Variants in CAMKMT observed in about 807,000 individuals in gnomAD.
CAMKMT encodes the protein calmodulin-lysine N-methyltransferase, also known as CaM KMT.
CAMKMT carries 53 observed loss-of-function variants against 48.0 expected under a neutral mutation model. The observed-to-expected ratio is 1.10, with a 90% CI of 0.89 to 1.39. CAMKMT has a LOEUF of 1.39. CAMKMT is among the 40% of genes most tolerant of loss of function. The pLI is 0.00. For missense variants in CAMKMT, 428 were observed against 402.7 expected (o/e 1.06, Z -0.54); for synonymous variants, 165 against 152.3 (o/e 1.08, Z -0.61).
chr2:44,658,955 C>G (rs1185040218), intron 3 of CAMKMT, among the ~76,000 whole-genome samples: 1 of 152,132 alleles, frequency 6.6e-6, no homozygotes, highest in East Asian at 1.9e-4. Context: ...TGCCCTCACT[C>G]CATTCCCTCC....
chr2:44,690,362 G>A (rs558201656), intron 3 of CAMKMT, among the ~76,000 whole-genome samples: 8 of 152,090 alleles, frequency 5.3e-5, no homozygotes, highest in South Asian at 2.1e-4. Flanking sequence ...TTTGTCCAAA[G>A]TCCCCAAATT....
chr2:44,417,203 C>G lies in CAMKMT; in HGVS notation c.376+26898C>G, dbSNP rs778611894. ...GGTCAGGAGTTCAAGACCAGCCTGA[C>G]CAACATGGTGAAACCCTGTCACTAC... On this transcript the variant is annotated intron_variant, in intron 3 of 10. Transcript: ENST00000378494. 3.4e-4 allele frequency among the ~76,000 whole-genome samples: 52 copies of G among 151,914 alleles called. 1 individual carries two copies. The highest frequency in any genetic ancestry group is 3.7e-4 in the Non-Finnish European group (25 of 67,996).
chr2:44,674,825 G>T (rs1431308202), intron 3 of CAMKMT, among the ~76,000 whole-genome samples: 6 of 151,828 alleles, frequency 4.0e-5, no homozygotes. Flanking sequence ...CAGCTTTGTT[G>T]TTTCTCTACC....
intron 3 of CAMKMT, among the ~76,000 whole-genome samples, chr2:44,454,833 A>G (rs1054466586): frequency 1.3e-5 from 2 of 152,190 alleles, no homozygotes; most frequent in Non-Finnish European, 2.9e-5. Flanking sequence ...ACATGAAAGA[A>G]TTGGTACACA....
At chr2:44,423,248 C>T (rs919307948) in intron 3 of CAMKMT, among the ~76,000 whole-genome samples, 7 of 152,028 alleles carry the variant, frequency 4.6e-5, no homozygotes, top group African/African-American at 9.7e-5. Flanking sequence ...GGTGCGATCT[C>T]GGCTCACTGC....
chr2:44,705,282 C>T, intron 4 of CAMKMT: 1 of 861,268 alleles, frequency 1.2e-6, no homozygotes, highest in South Asian at 5.3e-5. Flanking sequence ...CCCACCTCTC[C>T]CTCTCTTTTA....
chr2:44,412,630 C>T (rs61663126), intron 3 of CAMKMT, among the ~76,000 whole-genome samples: 7,420 of 151,986 alleles, frequency 0.049, 546 homozygotes, highest in African/African-American at 0.17. Flanking sequence ...GCCACTGGGC[C>T]CAGCCAGGTG....
chr2:44,364,113 A>T (rs772337534), intron 1 of CAMKMT, among the ~76,000 whole-genome samples: 1 of 145,646 alleles, frequency 6.9e-6, no homozygotes, highest in Non-Finnish European at 1.5e-5. Context: ...CCTCCTGAGT[A>T]GTTGGAATTA....
At position 44,476,655 on chromosome 2, in the gene CAMKMT, G is replaced by GA. The variant is rs34856994; in HGVS notation, c.376+86360dup. 2.9e-4 allele frequency among the ~76,000 whole-genome samples: 43 copies of GA among 150,506 alleles called. No individual in the cohort carries two copies. In the South Asian group the frequency reaches 4.4e-3, roughly 15 times the overall value. On this transcript the variant is annotated intron_variant, in intron 3 of 10. Transcript: ENST00000378494. ...AATTTTATAAACTAAATTACTTTGT[G>GA]AAAAAAAAAATGCTTAGAATCATAT...
intron 6 of CAMKMT, among the ~76,000 whole-genome samples, chr2:44,710,941 A>C (rs1677845223): frequency 6.6e-6 from 1 of 152,194 alleles, no homozygotes; most frequent in Non-Finnish European, 1.5e-5. Context: ...TCTTATCCCC[A>C]AAGTATGCAC....
chr2:44,745,792 C>T (rs1042233274), intron 8 of CAMKMT, among the ~76,000 whole-genome samples: 14 of 152,106 alleles, frequency 9.2e-5, no homozygotes, highest in African/African-American at 2.7e-4. Flanking sequence ...TCTTCATATT[C>T]GCGGGGATGG....
At chr2:44,743,779 C>G in intron 8 of CAMKMT, 83 bp downstream of exon 8, 1 of 998,494 alleles carries the variant, frequency 1.0e-6, no homozygotes, top group Non-Finnish European at 1.5e-6. Flanking sequence ...TAGCTGACGG[C>G]TAAGCAAAGT....
At chr2:44,580,259 A>G (rs920416809) in intron 3 of CAMKMT, among the ~76,000 whole-genome samples, 1 of 151,614 alleles carries the variant, frequency 6.6e-6, no homozygotes, top group Non-Finnish European at 1.5e-5. Flanking sequence ...AAAATAAAAT[A>G]AAATAAAGTA....
chr2:44,686,392 C>T (rs187475063), intron 3 of CAMKMT, among the ~76,000 whole-genome samples: 2,124 of 113,260 alleles, frequency 0.019, 58 homozygotes, highest in African/African-American at 0.064. Flanking sequence ...GACTCTGCCT[C>T]AAAAAAAAAA....
intron 3 of CAMKMT, among the ~76,000 whole-genome samples, chr2:44,563,425 A>G (rs1668434705): frequency 1.3e-5 from 2 of 151,798 alleles, no homozygotes; most frequent in South Asian, 4.2e-4. Context: ...ACAGTAAAAC[A>G]GTAAAGATGA....
chr2:44,538,946 CTGTG>C (rs1289366401), intron 3 of CAMKMT, among the ~76,000 whole-genome samples: 3 of 133,328 alleles, frequency 2.3e-5, no homozygotes, highest in Non-Finnish European at 3.1e-5. Flanking sequence ...CTCTCTCTTT[CTGTG>C]TGTGTGTCTG....
intron 4 of CAMKMT, chr2:44,705,602 G>A: frequency 5.5e-6 from 5 of 901,742 alleles, no homozygotes; most frequent in Non-Finnish European, 6.6e-6. Context: ...TTTGAGCTGT[G>A]AAGTCAGAGC....
chr2:44,728,330 G>T (rs1388058938), intron 7 of CAMKMT, among the ~76,000 whole-genome samples: 1 of 152,146 alleles, frequency 6.6e-6, no homozygotes, highest in Non-Finnish European at 1.5e-5. Context: ...CTAGTATTTT[G>T]TTGAGGATTT....
intron 3 of CAMKMT, among the ~76,000 whole-genome samples, chr2:44,552,295 G>A (rs531322528): frequency 3.3e-5 from 5 of 152,164 alleles, no homozygotes; most frequent in African/African-American, 9.6e-5. Context: ...TTACTTTTGA[G>A]TCTTTTAAAT....
Sources: gnomAD v4.1 joint callset for allele counts (sites outside exome capture counted in the v4.1 genomes callset) on GRCh38, gnomAD v4.1.1 for gene constraint, MANE v1.5 for transcripts, NCBI Gene and HGNC (gene_info 2026-07-23, HGNC 2026-07-21) for gene names.